The following ANXA1 variants were observed in gnomAD, a reference collection of about 807,000 sequenced individuals.
ANXA1 encodes annexin A1, also known as annexin I (lipocortin I).
A neutral mutation model predicts 47.9 loss-of-function variants in ANXA1; 39 were observed. The observed-to-expected ratio is 0.81, with a 90% CI of 0.63 to 1.06. The LOEUF (loss-of-function observed/expected upper bound fraction) is 1.06. Ranked by LOEUF, ANXA1 falls within the 50% of genes least tolerant of loss-of-function variation. The pLI is 0.00. For synonymous variants in ANXA1, 146 were observed against 142.5 expected, an observed-to-expected ratio of 1.02 and a Z score of -0.17; for missense variants, 446 against 422.7, an observed-to-expected ratio of 1.06 and a Z score of -0.48.
At position 73,166,147 on chromosome 9, in the gene ANXA1, G is replaced by A. The variant is rs1345345250; in HGVS notation, c.757G>A (p.Asp253Asn). The A allele has an allele frequency of 1.2e-6, 2 of 1,612,496 alleles. No homozygotes were observed. The highest frequency in any genetic ancestry group is 2.2e-5 in the South Asian group (2 of 90,980). ...YSKHDMNKVL[D>N]LELKGDIEKC... ...TAAGCATGACATGAACAAAGTTCTG[G>A]ACCTGGAGTTGAAAGGTGACATTGA... Residue 253 changes from aspartate (D) to asparagine (N), a missense_variant, in exon 10 of 13, where the codon GAC becomes AAC. By Grantham distance (23) the Asp-to-Asn change is conservative. Transcript: ENST00000257497.
chr9:73,157,124 T>C (rs971101650), intron 1 of ANXA1, among the ~76,000 whole-genome samples: 1 of 152,156 alleles, frequency 6.6e-6, no homozygotes, highest in Admixed American at 6.5e-5. Context: ...TATAAAATAA[T>C]TCTTTTCTGG....
At chr9:73,156,193 A>T (rs949196904) in intron 1 of ANXA1, among the ~76,000 whole-genome samples, 15 of 149,966 alleles carry the variant, frequency 1.0e-4, no homozygotes, top group African/African-American at 2.9e-4. Context: ...TAATAAAAAC[A>T]TGTTTTTATA....
chr9:73,154,259 C>A (rs1235241207), intron 1 of ANXA1: 3 of 1,320,586 alleles, frequency 2.3e-6, no homozygotes, highest in African/African-American at 3.0e-5. Context: ...CAAGGCCGTG[C>A]ATTTAAAAAT....
At position 73,170,353 on chromosome 9, in the gene ANXA1, G is replaced by A. The variant is rs1031853062; in HGVS notation, c.*246G>A. 2 of 324,588 alleles carry A rather than the reference G, an allele frequency of 6.2e-6. No homozygotes were observed. The highest frequency in any genetic ancestry group is 9.6e-5 in the East Asian group (2 of 20,790). 20.1% of individuals were successfully genotyped at this position (324,588 alleles called of 1,614,324 possible). On this transcript the variant is annotated 3_prime_UTR_variant, in exon 13 of 13. Coordinates refer to ENST00000257497, the MANE Select transcript of ANXA1 (RefSeq NM_000700.3). Reference sequence around the variant, plus strand: ...TGTTCTAGTAACAATACATGAGAAAGATGTCTATGTAGCTGAAAATAAAAT... The same window carrying A: ...TGTTCTAGTAACAATACATGAGAAAAATGTCTATGTAGCTGAAAATAAAAT...
At chr9:73,158,202 C>A (rs1400195587) in intron 1 of ANXA1, 1 of 265,740 alleles carries the variant, frequency 3.8e-6, no homozygotes, top group Non-Finnish European at 7.4e-6. Context: ...AAATTTAGAA[C>A]AATGTAGTGA....
intron 11 of ANXA1, 83 bp from the exon 12 acceptor site, chr9:73,168,949 A>G: frequency 1.5e-6 from 2 of 1,377,990 alleles, no homozygotes; most frequent in Non-Finnish European, 2.0e-6. Flanking sequence ...ATGGAAGAGT[A>G]AGAAGGCTTC....
chr9:73,156,210 G>A (rs904970111), intron 1 of ANXA1, among the ~76,000 whole-genome samples: 2 of 150,802 alleles, frequency 1.3e-5, no homozygotes, highest in Non-Finnish European at 3.0e-5. Flanking sequence ...TATAAGTGAT[G>A]GAGTAGTACT....
chr9:73,168,466 G>A (rs1824268938), intron 11 of ANXA1: 1 of 152,234 alleles, frequency 6.6e-6, no homozygotes, highest in South Asian at 2.1e-4. Flanking sequence ...ATGAGGGCAA[G>A]AGTGGAAGAG....
At chr9:73,155,909 G>T (rs1824038260) in intron 1 of ANXA1, among the ~76,000 whole-genome samples, 1 of 150,290 alleles carries the variant, frequency 6.7e-6, no homozygotes, top group Non-Finnish European at 1.5e-5. Context: ...ACCTTTTCCT[G>T]GGCTTTCTCT....
intron 6 of ANXA1, among the ~76,000 whole-genome samples, chr9:73,162,142 G>A (rs1824152992): frequency 1.3e-5 from 2 of 152,066 alleles, no homozygotes; most frequent in African/African-American, 4.8e-5. Flanking sequence ...CATTCATGAG[G>A]GATCTGCCCC....
chr9:73,167,470 A>G, intron 10 of ANXA1, 27 bp from the exon 11 acceptor site: 2 of 1,603,848 alleles, frequency 1.2e-6, no homozygotes, highest in Non-Finnish European at 1.7e-6. Context: ...TGGTAAATAC[A>G]TCAACTAAAA....
At chr9:73,164,242 A>G (rs755871496) in intron 8 of ANXA1, among the ~76,000 whole-genome samples, 1 of 152,166 alleles carries the variant, frequency 6.6e-6, no homozygotes, top group Non-Finnish European at 1.5e-5. Flanking sequence ...CTTCTGCTAT[A>G]CCAGTACATT....
At chr9:73,154,050 A>G (rs1824009522) in intron 1 of ANXA1, 3 of 311,732 alleles carry the variant, frequency 9.6e-6, no homozygotes, top group South Asian at 7.6e-5. Flanking sequence ...AGGCAAAGGG[A>G]AGTGAATGTG....
At chr9:73,156,964 T>G (rs1824057768) in intron 1 of ANXA1, among the ~76,000 whole-genome samples, 1 of 152,126 alleles carries the variant, frequency 6.6e-6, no homozygotes, top group Admixed American at 6.6e-5. Context: ...TCAATATACT[T>G]AAGATCTTAA....
chr9:73,152,238 G>GA (rs1439322129), intron 1 of ANXA1, among the ~76,000 whole-genome samples: 1 of 152,116 alleles, frequency 6.6e-6, no homozygotes, highest in Non-Finnish European at 1.5e-5. Context: ...AGCCTTAAAA[G>GA]AATGTGTTTT....
At chr9:73,159,305 A>G (rs1347093932) in intron 3 of ANXA1, 24 bp from the exon 4 acceptor site, 1 of 1,594,110 alleles carries the variant, frequency 6.3e-7, no homozygotes, top group Non-Finnish European at 8.6e-7. Context: ...TTGGTGTTAA[A>G]GGCTGTTGGC....
Position 73,170,276 on chromosome 9 carries a change from T to G in ANXA1, c.*169T>G, listed in dbSNP as rs1337936606. 4.5e-6 allele frequency: 2 copies of G among 441,240 alleles called. No individual in the cohort carries two copies. The highest frequency in any genetic ancestry group is 6.9e-5 in the East Asian group (2 of 29,076). 27.3% of individuals were successfully genotyped at this position (441,240 alleles called of 1,614,324 possible). On this transcript the variant is annotated 3_prime_UTR_variant, in exon 13 of 13. Coordinates refer to ENST00000257497, the MANE Select transcript of ANXA1 (RefSeq NM_000700.3). ...ATATTATAACTCTGTATAATAGAGA[T>G]AAGTCCATTTTTTAAAAATGTTTTC...
At chr9:73,154,262 T>G (rs1824013366) in intron 1 of ANXA1, 3 of 1,345,506 alleles carry the variant, frequency 2.2e-6, no homozygotes, top group Middle Eastern at 4.2e-4. Context: ...GGCCGTGCAT[T>G]TAAAAATAAA....
intron 10 of ANXA1, among the ~76,000 whole-genome samples, chr9:73,166,885 G>A (rs895716510): frequency 3.9e-5 from 6 of 152,100 alleles, no homozygotes; most frequent in African/African-American, 1.4e-4. Context: ...GAATGTGCTA[G>A]TATTATTTGG....
Sources: gnomAD v4.1 joint callset for allele counts (sites outside exome capture counted in the v4.1 genomes callset) on GRCh38, gnomAD v4.1.1 for gene constraint, MANE v1.5 for transcripts, NCBI Gene and HGNC (gene_info 2026-07-23, HGNC 2026-07-21) for gene names.